Variants in TRAPPC9 observed in about 807,000 individuals in gnomAD.
TRAPPC9 encodes IKK2 binding protein.
In TRAPPC9, 83 loss-of-function variants were observed where a neutral mutation model predicts 124.0. That is an observed-to-expected ratio of 0.67 (90% CI 0.56 to 0.80). TRAPPC9 has a LOEUF of 0.80. Ranked by LOEUF, TRAPPC9 falls within the 30% of genes least tolerant of loss-of-function variation. TRAPPC9 has a pLI of 0.00. For synonymous variants in TRAPPC9, 638 were observed against 617.5 expected, an observed-to-expected ratio of 1.03 and a Z score of -0.49; for missense variants, 1,302 against 1,508.3, an observed-to-expected ratio of 0.86 and a Z score of 2.27.
chr8:139,803,986 AAAC>A (rs1272105092), intron 21 of TRAPPC9, among the ~76,000 whole-genome samples: 2 of 151,986 alleles, frequency 1.3e-5, no homozygotes, highest in African/African-American at 2.4e-5. Context: ...TCAAGTCTGC[AAAC>A]AACACAACAA....
At chr8:140,374,252 G>A (rs781479750) in intron 7 of TRAPPC9, among the ~76,000 whole-genome samples, 2 of 152,244 alleles carry the variant, frequency 1.3e-5, no homozygotes, top group African/African-American at 2.4e-5. Flanking sequence ...AGCCAGGGAC[G>A]GGGTGGAAGA....
intron 8 of TRAPPC9, among the ~76,000 whole-genome samples, chr8:140,364,412 TTTC>T (rs1326677297): frequency 6.6e-6 from 1 of 151,752 alleles, no homozygotes. Flanking sequence ...TAAAATACAC[TTTC>T]TTATCACTCT....
rs1188106725 is a variant in TRAPPC9, at chr8:140,419,455, AAAC to A, written c.886+7157_886+7159del. Among the ~76,000 whole-genome samples the A allele has an allele frequency of 8.9e-3, 1,303 of 146,774 alleles. 24 individuals are homozygous for A. Among genetic ancestry groups the A allele is most frequent in the African/African-American group, 0.031 (1,174 of 38,122 alleles). ...AAAAAAAAAAAAAAAAAAAAAAACA[AAAC>A]AAAACAAAAAACGAGGCATAGAAGG... On this transcript the variant is annotated intron_variant, in intron 5 of 22. Coordinates refer to ENST00000438773, the MANE Select transcript of TRAPPC9 (RefSeq NM_001160372.4).
intron 17 of TRAPPC9, among the ~76,000 whole-genome samples, chr8:140,076,295 C>G (rs897533621): frequency 3.9e-5 from 6 of 152,204 alleles, no homozygotes; most frequent in African/African-American, 1.4e-4. Context: ...GAGCTGCCCT[C>G]CCCTGGCTGC....
chr8:139,990,487 G>A (rs974720547), intron 18 of TRAPPC9, among the ~76,000 whole-genome samples: 9 of 152,132 alleles, frequency 5.9e-5, no homozygotes, highest in African/African-American at 2.2e-4. Context: ...ACACAAGTAG[G>A]ACTTTGTCAA....
intron 21 of TRAPPC9, among the ~76,000 whole-genome samples, chr8:139,855,474 G>A (rs1827741102): frequency 6.6e-6 from 1 of 152,190 alleles, no homozygotes; most frequent in South Asian, 2.1e-4. Flanking sequence ...AGGTCCACGT[G>A]GAGACCCGAG....
chr8:140,147,347 T>C (rs1416833590), intron 17 of TRAPPC9, among the ~76,000 whole-genome samples: 4 of 152,210 alleles, frequency 2.6e-5, no homozygotes, highest in African/African-American at 9.6e-5. Flanking sequence ...TGAATTCCTT[T>C]GTTGAGTGAG....
At chr8:139,889,422 C>T (rs771052096) in intron 20 of TRAPPC9, among the ~76,000 whole-genome samples, 14 of 152,154 alleles carry the variant, frequency 9.2e-5, no homozygotes, top group Non-Finnish European at 1.8e-4. Flanking sequence ...GGGCCTGAAT[C>T]GCCTGAACTA....
intron 16 of TRAPPC9, among the ~76,000 whole-genome samples, chr8:140,251,114 C>T (rs939466837): frequency 1.1e-4 from 17 of 152,176 alleles, no homozygotes; most frequent in African/African-American, 4.1e-4. Context: ...CCACACTGTT[C>T]CTCAGGAATA....
chr8:139,836,939 CGTT>C (rs1482245437), intron 21 of TRAPPC9, among the ~76,000 whole-genome samples: 5 of 136,160 alleles, frequency 3.7e-5, no homozygotes, highest in African/African-American at 5.7e-5. Context: ...GTGGGTTTGT[CGTT>C]GTTGTTGTTA....
chr8:140,411,576 A>T (rs1024378095), intron 5 of TRAPPC9, among the ~76,000 whole-genome samples: 6 of 152,218 alleles, frequency 3.9e-5, no homozygotes, highest in Non-Finnish European at 7.3e-5. Flanking sequence ...TCCTGACTTC[A>T]GGTGATCTGC....
At chr8:140,199,732 A>C (rs894990945) in intron 17 of TRAPPC9, among the ~76,000 whole-genome samples, 7 of 152,186 alleles carry the variant, frequency 4.6e-5, no homozygotes, top group Non-Finnish European at 5.9e-5. Flanking sequence ...TTTTTATTGC[A>C]GACTCTTATG....
chr8:139,983,952 A>T (rs989958990), intron 19 of TRAPPC9, among the ~76,000 whole-genome samples: 2 of 152,182 alleles, frequency 1.3e-5, no homozygotes, highest in Non-Finnish European at 2.9e-5. Flanking sequence ...TGAGGACTGA[A>T]TGTGACTTCA....
At chr8:140,054,122 G>A (rs1290822991) in intron 17 of TRAPPC9, among the ~76,000 whole-genome samples, 2 of 152,120 alleles carry the variant, frequency 1.3e-5, no homozygotes, top group Non-Finnish European at 2.9e-5. Context: ...GCTAAATAAT[G>A]GCTACACACA....
chr8:139,849,228 G>C (rs1827294024), intron 21 of TRAPPC9, among the ~76,000 whole-genome samples: 4 of 152,336 alleles, frequency 2.6e-5, no homozygotes, highest in African/African-American at 7.2e-5. Context: ...GCCAGAAACA[G>C]AGCAAATGGG....
intron 17 of TRAPPC9, among the ~76,000 whole-genome samples, chr8:140,138,468 G>T (rs80235947): frequency 0.071 from 10,734 of 152,108 alleles, 435 homozygotes; most frequent in African/African-American, 0.096. Context: ...CGTCCTAAAG[G>T]CCCTTTCTAA....
At chr8:140,189,318 A>G (rs978428115) in intron 17 of TRAPPC9, among the ~76,000 whole-genome samples, 3 of 152,210 alleles carry the variant, frequency 2.0e-5, no homozygotes, top group Non-Finnish European at 4.4e-5. Context: ...AAGATCAGAT[A>G]CACAACTCCT....
At chr8:140,425,283 T>C (rs1207662553) in intron 5 of TRAPPC9, among the ~76,000 whole-genome samples, 1 of 152,210 alleles carries the variant, frequency 6.6e-6, no homozygotes, top group Non-Finnish European at 1.5e-5. Context: ...GCTCTCCCAT[T>C]GGTAAAGAGA....
At chr8:140,458,320 G>A (rs745822349), upstream of TRAPPC9, 3 of 1,573,180 alleles carry the variant, frequency 1.9e-6, no homozygotes, top group South Asian at 3.5e-5. Flanking sequence ...CACTTCCTCT[G>A]TGAAGCTCAG....
Sources: allele counts gnomAD v4.1 joint callset (sites outside exome capture counted in the v4.1 genomes callset), GRCh38; gene constraint gnomAD v4.1.1; transcripts MANE v1.5; gene names NCBI Gene and HGNC (gene_info 2026-07-23, HGNC 2026-07-21).